The following CSNK1G1 variants were observed in gnomAD, a reference collection of about 807,000 sequenced individuals.
The protein encoded by CSNK1G1 is casein kinase 1 gamma 1.
A neutral mutation model predicts 59.6 loss-of-function variants in CSNK1G1; 22 were observed. That is an observed-to-expected ratio of 0.37 (90% confidence interval 0.26 to 0.53). CSNK1G1 has a LOEUF of 0.53. CSNK1G1 is among the 20% of genes least tolerant of loss of function. The pLI is 0.89. For missense variants in CSNK1G1, 384 were observed against 519.5 expected, an observed-to-expected ratio of 0.74 and a Z score of 2.54; for synonymous variants, 179 against 177.1, an observed-to-expected ratio of 1.01 and a Z score of -0.08.
chr15:64,226,187 C>T (rs1182641529), intron 4 of CSNK1G1, among the ~76,000 whole-genome samples: 1 of 152,078 alleles, frequency 6.6e-6, no homozygotes, highest in Non-Finnish European at 1.5e-5. Context: ...TGTGCCTGGC[C>T]CAAAATAAAA....
Position 64,300,619 on chromosome 15 carries a change from C to T in CSNK1G1, c.-120G>A, listed in dbSNP as rs538986576. 2.1e-6 allele frequency: 3 copies of T among 1,408,642 alleles called. No individual in the cohort carries two copies. The highest frequency in any genetic ancestry group is 2.8e-6 in the Non-Finnish European group (3 of 1,076,520). The allele number at this position is 1,408,642 out of a possible 1,614,324, so 87.3% of individuals were successfully genotyped here. Reference sequence around the variant, plus strand: ...AGAGAAAGGTAAGGAGTTCTTTTAGCACCATATTTGTTTGTAATGTATCTC... The same window carrying T: ...AGAGAAAGGTAAGGAGTTCTTTTAGTACCATATTTGTTTGTAATGTATCTC... On this transcript the variant is annotated 5_prime_UTR_variant, in exon 2 of 12. Coordinates refer to ENST00000303052, the MANE Select transcript of CSNK1G1 (RefSeq NM_022048.5).
At chr15:64,173,423 T>A (rs1366207407) in intron 11 of CSNK1G1, among the ~76,000 whole-genome samples, 1 of 152,144 alleles carries the variant, frequency 6.6e-6, no homozygotes, top group Non-Finnish European at 1.5e-5. Context: ...TCTGAAAGTA[T>A]CAATGACATT....
At chr15:64,299,363 C>T (rs186744670) in intron 2 of CSNK1G1, among the ~76,000 whole-genome samples, 9 of 151,806 alleles carry the variant, frequency 5.9e-5, no homozygotes, top group Non-Finnish European at 1.2e-4. Context: ...CCGAGGCGGG[C>T]GGATCACGAA....
At chr15:64,304,130 A>T (rs1458699519) in intron 1 of CSNK1G1, among the ~76,000 whole-genome samples, 1 of 152,006 alleles carries the variant, frequency 6.6e-6, no homozygotes, top group Non-Finnish European at 1.5e-5. Context: ...GCTCATGCCT[A>T]TAATCCCAGT....
At chr15:64,267,367 G>A (rs1315391866) in intron 2 of CSNK1G1, among the ~76,000 whole-genome samples, 4 of 151,866 alleles carry the variant, frequency 2.6e-5, no homozygotes, top group Non-Finnish European at 5.9e-5. Flanking sequence ...TCAACAGAGT[G>A]AAGAGACAAC....
chr15:64,220,443 G>A (rs1337650454), intron 4 of CSNK1G1, among the ~76,000 whole-genome samples: 1 of 151,546 alleles, frequency 6.6e-6, no homozygotes, highest in Non-Finnish European at 1.5e-5. Context: ...TATAACTCCA[G>A]TCTCCCTTGA....
intron 3 of CSNK1G1, among the ~76,000 whole-genome samples, chr15:64,257,774 T>C (rs1297520799): frequency 1.3e-5 from 2 of 152,208 alleles, no homozygotes; most frequent in African/African-American, 4.8e-5. Context: ...TCTGCCTGCC[T>C]TGGCTTCCTA....
chr15:64,230,886 A>T (rs943537345), intron 4 of CSNK1G1, among the ~76,000 whole-genome samples: 1 of 152,146 alleles, frequency 6.6e-6, no homozygotes, highest in African/African-American at 2.4e-5. Flanking sequence ...AGGCAGGAGA[A>T]TGGCATGAAC....
chr15:64,348,004 CAAAA>C (rs922049447), intron 1 of CSNK1G1, among the ~76,000 whole-genome samples: 2 of 88,208 alleles, frequency 2.3e-5, no homozygotes, highest in East Asian at 3.3e-4. Context: ...AACTCTGTGT[CAAAA>C]AAAAAAAAAA....
At chr15:64,307,914 C>T (rs1895770676) in intron 1 of CSNK1G1, among the ~76,000 whole-genome samples, 1 of 152,058 alleles carries the variant, frequency 6.6e-6, no homozygotes, top group South Asian at 2.1e-4. Flanking sequence ...TCTCAACCTC[C>T]TGACTTCATG....
chr15:64,280,422 G>A (rs1894061081), intron 2 of CSNK1G1, among the ~76,000 whole-genome samples: 1 of 151,740 alleles, frequency 6.6e-6, no homozygotes, highest in Non-Finnish European at 1.5e-5. Context: ...TTTGTTTTGA[G>A]ACAGTCTTGC....
Position 64,222,535 on chromosome 15 carries a change from G to T in CSNK1G1, c.293-5822C>A, listed in dbSNP as rs114044645. Among the ~76,000 whole-genome samples the T allele has an allele frequency of 8.3e-3, 1,251 of 151,272 alleles. 17 individuals are homozygous for T. The highest frequency in any genetic ancestry group is 0.029 in the African/African-American group (1,176 of 41,228). On this transcript the variant is annotated intron_variant, in intron 4 of 11. Transcript: ENST00000303052. ...GGATTTCCTTCTAGCTACCTTCTGG[G>T]TTCCTCTTTGTAAAGCCACAGAACT...
chr15:64,185,083 CAT>C (rs1174031626), intron 10 of CSNK1G1, among the ~76,000 whole-genome samples: 5 of 152,210 alleles, frequency 3.3e-5, no homozygotes, highest in African/African-American at 1.2e-4. Flanking sequence ...TATCTTCTTG[CAT>C]TTAGGCCTTC....
At position 64,277,956 on chromosome 15, in the gene CSNK1G1, G is replaced by T. The variant is rs4341697; in HGVS notation, c.182-18715C>A. Among the ~76,000 whole-genome samples, 14 of 141,370 alleles carry T rather than the reference G, an allele frequency of 9.9e-5. No individual in the cohort carries two copies. In the East Asian group the frequency reaches 2.6e-3, roughly 26 times the overall value. The allele number at this position is 141,370 out of a possible 152,430, so 92.7% of individuals were successfully genotyped here. On this transcript the variant is annotated intron_variant, in intron 2 of 11. Coordinates refer to ENST00000303052, the MANE Select transcript of CSNK1G1 (RefSeq NM_022048.5). ...TTAATAATATATTAATATTGATATA[G>T]TTGAATAATATATTAATATTGATAT...
At chr15:64,193,491 C>CAAAAA (rs10631811) in intron 10 of CSNK1G1, among the ~76,000 whole-genome samples, 107,491 of 131,880 alleles carry the variant, frequency 0.82, 44,580 homozygotes, top group East Asian at 0.94. Flanking sequence ...GACTCTGTCT[C>CAAAAA]AAAAAAAAAA....
intron 11 of CSNK1G1, among the ~76,000 whole-genome samples, chr15:64,175,774 G>C (rs1483319267): frequency 6.6e-6 from 1 of 152,208 alleles, no homozygotes; most frequent in Admixed American, 6.5e-5. Context: ...TCTACAGAGG[G>C]AAGAGCCAGC....
intron 2 of CSNK1G1, among the ~76,000 whole-genome samples, chr15:64,279,138 A>G (rs946936031): frequency 6.6e-6 from 1 of 152,238 alleles, no homozygotes; most frequent in African/African-American, 2.4e-5. Flanking sequence ...ACTGAGGTAT[A>G]ACTTACATGC....
chr15:64,291,885 A>C (rs1189414568), intron 2 of CSNK1G1, among the ~76,000 whole-genome samples: 1 of 152,064 alleles, frequency 6.6e-6, no homozygotes, highest in East Asian at 1.9e-4. Context: ...AAAAAAGAAA[A>C]GCTAGTAGCA....
intron 10 of CSNK1G1, chr15:64,181,891 G>C (rs2081818746): frequency 6.4e-6 from 1 of 155,320 alleles, no homozygotes; most frequent in Non-Finnish European, 1.4e-5. Context: ...CTCACCAGCA[G>C]TTAATCCACA....
Sources: gnomAD v4.1 joint callset for allele counts (sites outside exome capture counted in the v4.1 genomes callset) on GRCh38, gnomAD v4.1.1 for gene constraint, MANE v1.5 for transcripts, NCBI Gene and HGNC (gene_info 2026-07-23, HGNC 2026-07-21) for gene names.